The following UBE2G2 variants were observed in gnomAD, a reference collection of about 807,000 sequenced individuals.
UBE2G2 encodes ubiquitin-conjugating enzyme E2 G2.
Under a neutral mutation model 23.0 loss-of-function variants are expected in UBE2G2, and 10 were observed. The ratio of observed to expected loss-of-function variants is 0.43; its 90% confidence interval spans 0.27 to 0.74. UBE2G2 has a LOEUF of 0.74. Among genes scored for constraint, UBE2G2 ranks in the 30% least tolerant of loss-of-function variants. The pLI is 0.19. For missense variants in UBE2G2, 150 were observed against 218.3 expected (o/e 0.69, Z 1.97); for synonymous variants, 86 against 81.3 (o/e 1.06, Z -0.31).
At chr21:44,774,641 G>A in intron 4 of UBE2G2, 1 of 444,964 alleles carries the variant, frequency 2.2e-6, no homozygotes, top group African/African-American at 2.0e-5. Context: ...TGAACGTTCA[G>A]TGGTGAACGC....
intron 1 of UBE2G2, among the ~76,000 whole-genome samples, chr21:44,790,976 G>C (rs2083038510): frequency 6.6e-6 from 1 of 152,162 alleles, no homozygotes; most frequent in African/African-American, 2.4e-5. Flanking sequence ...TAGTGACATG[G>C]ACAATGAAGC....
intron 4 of UBE2G2, among the ~76,000 whole-genome samples, chr21:44,776,123 T>TG (rs1481292243): frequency 5.3e-5 from 8 of 151,258 alleles, no homozygotes; most frequent in Admixed American, 3.3e-4. Context: ...TGGCCGGGGG[T>TG]GGGGGGGTAG....
At chr21:44,794,018 G>T (rs915009683) in intron 1 of UBE2G2, among the ~76,000 whole-genome samples, 21 of 141,618 alleles carry the variant, frequency 1.5e-4, no homozygotes, top group Non-Finnish European at 2.3e-4. Flanking sequence ...AAAAGAAGGT[G>T]GAGAAAAGTG....
Position 44,770,308 on chromosome 21 carries a change from A to G in UBE2G2, c.*1069T>C, listed in dbSNP as rs1447246754. On this transcript the variant is annotated 3_prime_UTR_variant, in exon 6 of 6. Coordinates refer to ENST00000345496, the MANE Select transcript of UBE2G2 (RefSeq NM_003343.6). ...CAGAAGAAACTTTCATTGAAACTTT[A>G]AAGACCTCACCTGCACCTGCTCTAG... 6.6e-6 allele frequency: 1 copy of G among 152,350 alleles called. No homozygotes were observed. Among genetic ancestry groups the G allele is most frequent in the South Asian group, 2.1e-4 (1 of 4,802 alleles). 9.4% of individuals were successfully genotyped at this position (152,350 alleles called of 1,614,324 possible).
At chr21:44,792,628 C>T (rs565682744) in intron 1 of UBE2G2, among the ~76,000 whole-genome samples, 9 of 152,266 alleles carry the variant, frequency 5.9e-5, no homozygotes, top group African/African-American at 1.9e-4. Flanking sequence ...TTATAATTAC[C>T]CAGTCTCAGG....
chr21:44,773,503 C>T lies in UBE2G2; in HGVS notation c.385+44G>A, dbSNP rs905599814. ...ACGCAAGGCTGGAGAACACCTGCAG[C>T]CTGGGTGTCCACGGCAGCTCCTGCC... On this transcript the variant is annotated intron_variant, in intron 5 of 5. Transcript: ENST00000345496. 1.0e-5 allele frequency: 16 copies of T among 1,584,438 alleles called. No individual in the cohort carries two copies. In the Admixed American group the frequency reaches 1.5e-4, roughly 15 times the overall value.
At chr21:44,785,666 C>G (rs1555961880) in intron 3 of UBE2G2, 1 of 152,176 alleles carries the variant, frequency 6.6e-6, no homozygotes, top group African/African-American at 2.4e-5. Context: ...AACTTATCAC[C>G]AAGGAGCAAA....
rs200013861 is a variant in UBE2G2 at position 44,771,346 on chromosome 21, C to G, written c.*31G>C. Reference sequence around the variant, plus strand: ...CGGGGGAGAATGCTGAGCTGCTTGGCGGTGTGTGCGCGCCTGTGCGAGGCC... The same window carrying G: ...CGGGGGAGAATGCTGAGCTGCTTGGGGGTGTGTGCGCGCCTGTGCGAGGCC... On this transcript the variant is annotated 3_prime_UTR_variant, in exon 6 of 6. Coordinates refer to ENST00000345496, the MANE Select transcript of UBE2G2 (RefSeq NM_003343.6). This position sits in a 1 kb window ranked among gnomAD's most constrained non-coding sequence, Gnocchi z 4.6. 86 of 1,594,226 alleles carry G rather than the reference C, an allele frequency of 5.4e-5. No individual in the cohort carries two copies. In the African/African-American group the frequency reaches 1.1e-3, roughly 20 times the overall value.
intron 3 of UBE2G2, among the ~76,000 whole-genome samples, chr21:44,785,026 A>G (rs1263370092): frequency 2.0e-5 from 3 of 152,330 alleles, no homozygotes; most frequent in Non-Finnish European, 4.4e-5. Flanking sequence ...CCCTCTCTGC[A>G]GCTACACCCC....
At chr21:44,781,571 C>T (rs1449830265) in intron 3 of UBE2G2, among the ~76,000 whole-genome samples, 1 of 152,196 alleles carries the variant, frequency 6.6e-6, no homozygotes, top group East Asian at 1.9e-4. Context: ...TCCCAATACC[C>T]TCGTAGCAAG....
chr21:44,783,326 G>A (rs1428195133), intron 3 of UBE2G2, among the ~76,000 whole-genome samples: 1 of 152,230 alleles, frequency 6.6e-6, no homozygotes, highest in African/African-American at 2.4e-5. Flanking sequence ...ATGCAAAATG[G>A]TGAGCTACTC....
chr21:44,784,164 A>AGGGAG (rs1176884871), intron 3 of UBE2G2, among the ~76,000 whole-genome samples: 9 of 137,994 alleles, frequency 6.5e-5, no homozygotes, highest in Non-Finnish European at 7.9e-5. Flanking sequence ...TCCATAAGAA[A>AGGGAG]GGGAGGGGAG....
Position 44,773,626 on chromosome 21 carries a change from G to T in UBE2G2, c.306C>A (p.Gly102=). 1 of 1,612,652 alleles carries T rather than the reference G, an allele frequency of 6.2e-7. No homozygotes were observed. The highest frequency in any genetic ancestry group is 8.5e-7 in the Non-Finnish European group (1 of 1,180,034). The change falls in exon 5 of 6, where the codon GGC becomes GGA. Residue 102 remains glycine (G), a synonymous_variant. Coordinates refer to ENST00000345496, the MANE Select transcript of UBE2G2 (RefSeq NM_003343.6). ...TCCACCGCTCCGCGCTGCTCTCGTA[G>T]CCCATGGGGTCATCGCCTGGCGCGT... ...ILHAPGDDPM[G]YESSAERWSP...
intron 3 of UBE2G2, among the ~76,000 whole-genome samples, chr21:44,778,868 C>T (rs1287642640): frequency 3.3e-5 from 5 of 152,058 alleles, no homozygotes; most frequent in Non-Finnish European, 5.9e-5. Flanking sequence ...GTGCAGGGGC[C>T]GAGGCCTGGA....
intron 1 of UBE2G2, chr21:44,801,483 C>T (rs2083137105): frequency 8.9e-7 from 1 of 1,117,784 alleles, no homozygotes; most frequent in Non-Finnish European, 1.2e-6. Context: ...ACGGCGCCGG[C>T]GCTGCCTTTA....
chr21:44,801,450 AACT>A, intron 1 of UBE2G2: 1 of 1,205,800 alleles, frequency 8.3e-7, no homozygotes, highest in Non-Finnish European at 1.1e-6. Flanking sequence ...GCAAAGACTC[AACT>A]GTGTGTGCTC....
At chr21:44,796,984 G>T (rs1393988452) in intron 1 of UBE2G2, among the ~76,000 whole-genome samples, 3 of 152,070 alleles carry the variant, frequency 2.0e-5, no homozygotes, top group African/African-American at 7.2e-5. Flanking sequence ...TGTTATTATT[G>T]GATCCTTCAC....
At chr21:44,775,858 G>A (rs1346682719) in intron 4 of UBE2G2, among the ~76,000 whole-genome samples, 2 of 152,120 alleles carry the variant, frequency 1.3e-5, no homozygotes, top group African/African-American at 4.8e-5. Flanking sequence ...CACTCAAGTA[G>A]ACAGCGTGTG....
intron 1 of UBE2G2, among the ~76,000 whole-genome samples, chr21:44,788,454 T>A (rs2083017736): frequency 6.6e-6 from 1 of 151,898 alleles, no homozygotes; most frequent in South Asian, 2.1e-4. Context: ...CACGCCCAGC[T>A]AATTTTTTGT....
Sources: allele counts gnomAD v4.1 joint callset (sites outside exome capture counted in the v4.1 genomes callset), GRCh38; gene constraint gnomAD v4.1.1; non-coding constraint Gnocchi (gnomAD v3.1); transcripts MANE v1.5; gene names NCBI Gene and HGNC (gene_info 2026-07-23, HGNC 2026-07-21).